LSAMP: variants seen among roughly 807,000 people sequenced by gnomAD.
LSAMP encodes the protein limbic system-associated membrane protein.
A neutral mutation model predicts 38.6 loss-of-function variants in LSAMP; 7 were observed. That is an observed-to-expected ratio of 0.18 (90% CI 0.10 to 0.34). LSAMP has a LOEUF of 0.34. Ranked by LOEUF, LSAMP falls within the 10% of genes least tolerant of loss-of-function variation. The pLI, the probability that LSAMP is intolerant of heterozygous loss-of-function variation, is 1.00. For synonymous variants in LSAMP, 154 were observed against 166.8 expected (o/e 0.92, Z 0.59); for missense variants, 313 against 420.0 (o/e 0.75, Z 2.23).
At chr3:116,226,848 T>G (rs1198491362) in intron 1 of LSAMP, among the ~76,000 whole-genome samples, 3 of 152,184 alleles carry the variant, frequency 2.0e-5, no homozygotes, top group Non-Finnish European at 4.4e-5. Context: ...CTCCGTGAGT[T>G]TTCTCTCACC....
At chr3:116,371,952 ATACT>A (rs2107792309) in intron 1 of LSAMP, among the ~76,000 whole-genome samples, 1 of 152,254 alleles carries the variant, frequency 6.6e-6, no homozygotes, top group South Asian at 2.1e-4. Context: ...AAACAACAAA[ATACT>A]TAGGAATAAA....
At chr3:116,406,606 T>A (rs1017948796) in intron 1 of LSAMP, among the ~76,000 whole-genome samples, 10 of 152,100 alleles carry the variant, frequency 6.6e-5, no homozygotes, top group African/African-American at 2.4e-4. Flanking sequence ...CTTCTCATCC[T>A]TTGATTAGGA....
intron 1 of LSAMP, among the ~76,000 whole-genome samples, chr3:116,242,874 T>C (rs1034466534): frequency 2.6e-5 from 4 of 152,174 alleles, no homozygotes; most frequent in African/African-American, 4.8e-5. Context: ...TTTTCAAATA[T>C]GGATTAAAAT....
At chr3:115,851,730 T>C (rs540140940) in intron 4 of LSAMP, among the ~76,000 whole-genome samples, 19 of 152,220 alleles carry the variant, frequency 1.2e-4, no homozygotes, top group Non-Finnish European at 2.4e-4. Context: ...AGCTGTGTGA[T>C]GTGGGAACTT....
intron 2 of LSAMP, among the ~76,000 whole-genome samples, chr3:116,073,193 G>A (rs149745621): frequency 6.6e-6 from 1 of 152,088 alleles, no homozygotes; most frequent in Non-Finnish European, 1.5e-5. Context: ...TTTTTGTCAG[G>A]TTTGTCAAAG....
chr3:115,875,848 T>G (rs1559862710), intron 3 of LSAMP, among the ~76,000 whole-genome samples: 1 of 152,140 alleles, frequency 6.6e-6, no homozygotes, highest in Non-Finnish European at 1.5e-5. Flanking sequence ...TTTAAAAATG[T>G]GATCCTGAAT....
intron 1 of LSAMP, among the ~76,000 whole-genome samples, chr3:116,093,449 G>C (rs1708165946): frequency 6.6e-6 from 1 of 152,134 alleles, no homozygotes; most frequent in African/African-American, 2.4e-5. Context: ...GTTTTCATAG[G>C]CTTATGCTTT....
intron 1 of LSAMP, among the ~76,000 whole-genome samples, chr3:116,240,826 A>G (rs1347252668): frequency 6.6e-6 from 1 of 152,242 alleles, no homozygotes; most frequent in Non-Finnish European, 1.5e-5. Context: ...ATTAAATAAC[A>G]TGCTATGCCA....
intron 2 of LSAMP, among the ~76,000 whole-genome samples, chr3:116,078,842 C>A (rs887366829): frequency 6.6e-6 from 1 of 152,062 alleles, no homozygotes; most frequent in African/African-American, 2.4e-5. Context: ...CTTCCTTGCC[C>A]CAGTCCTGGT....
intron 2 of LSAMP, among the ~76,000 whole-genome samples, chr3:116,086,069 G>A (rs562964133): frequency 7.2e-5 from 11 of 152,122 alleles, no homozygotes; most frequent in African/African-American, 2.2e-4. Flanking sequence ...GGCTTTTGCC[G>A]TGTGTTTTCA....
rs149693847 is a variant in LSAMP at position 116,076,013 on chromosome 3, G to A, written c.388+10311C>T. Among the ~76,000 whole-genome samples the A allele has an allele frequency of 2.1e-3, 315 of 151,994 alleles. 2 individuals carry two copies. Among genetic ancestry groups the A allele is most frequent in the African/African-American group, 7.3e-3 (302 of 41,466 alleles). On this transcript the variant is annotated intron_variant, in intron 2 of 6. Coordinates refer to ENST00000490035, the MANE Select transcript of LSAMP (RefSeq NM_002338.5). ...TTACTTTTAAATCTTTAAGAGATCT[G>A]GTGTTAATTTTCATACATGGCTGTT...
chr3:116,077,486 T>C (rs781257140), intron 2 of LSAMP, among the ~76,000 whole-genome samples: 1 of 152,154 alleles, frequency 6.6e-6, no homozygotes, highest in Non-Finnish European at 1.5e-5. Context: ...TTCTTTATAA[T>C]GGATTATGCT....
chr3:116,261,699 T>A (rs556897304), intron 1 of LSAMP, among the ~76,000 whole-genome samples: 1 of 152,180 alleles, frequency 6.6e-6, no homozygotes, highest in South Asian at 2.1e-4. Flanking sequence ...CTTAGCCAAC[T>A]AAAAGCAGAT....
chr3:116,230,042 G>A (rs1166572718), intron 1 of LSAMP, among the ~76,000 whole-genome samples: 1 of 152,114 alleles, frequency 6.6e-6, no homozygotes, highest in Non-Finnish European at 1.5e-5. Context: ...AAAATCCTTT[G>A]GCAGAAGAAT....
intron 1 of LSAMP, among the ~76,000 whole-genome samples, chr3:116,222,774 C>T (rs949254823): frequency 9.6e-6 from 1 of 103,996 alleles, no homozygotes; most frequent in South Asian, 3.6e-4. Context: ...AGTCTCTGTT[C>T]GCCCAGGCTG....
chr3:116,015,786 G>C (rs979828678), intron 3 of LSAMP, among the ~76,000 whole-genome samples: 2 of 152,026 alleles, frequency 1.3e-5, no homozygotes, highest in Non-Finnish European at 2.9e-5. Context: ...AAATTAAGAG[G>C]TAATAAATAT....
intron 1 of LSAMP, among the ~76,000 whole-genome samples, chr3:116,142,477 T>G (rs933770002): frequency 6.6e-6 from 1 of 152,036 alleles, no homozygotes; most frequent in African/African-American, 2.4e-5. Context: ...AAGAAGGTTA[T>G]AATCTCCAGC....
intron 1 of LSAMP, among the ~76,000 whole-genome samples, chr3:116,204,805 C>A (rs1449514474): frequency 2.7e-5 from 4 of 149,240 alleles, no homozygotes; most frequent in East Asian, 2.0e-4. Flanking sequence ...GTTACTGTAG[C>A]CTTGTAGTAT....
chr3:116,115,335 G>C lies in LSAMP; in HGVS notation c.156-28779C>G, dbSNP rs1231868412. ...TTCTCACAACAGCCTATGTAATGTA[G>C]GTACCCTAATGATCCCCATTTTTCA... On this transcript the variant is annotated intron_variant, in intron 1 of 6. Transcript: ENST00000490035. Among the ~76,000 whole-genome samples the C allele has an allele frequency of 2.6e-5, 4 of 152,176 alleles. No individual in the cohort carries two copies. In the East Asian group the frequency reaches 7.7e-4, roughly 29 times the overall value.
Sources: gnomAD v4.1 joint callset for allele counts (sites outside exome capture counted in the v4.1 genomes callset) on GRCh38, gnomAD v4.1.1 for gene constraint, MANE v1.5 for transcripts, NCBI Gene and HGNC (gene_info 2026-07-23, HGNC 2026-07-21) for gene names.